The following GUCY1A2 variants were observed in gnomAD, a reference collection of about 807,000 sequenced individuals.
The protein encoded by GUCY1A2 is guanylate cyclase soluble subunit alpha-2.
A neutral mutation model predicts 63.5 loss-of-function variants in GUCY1A2; 27 were observed. The observed-to-expected ratio is 0.43, with a 90% CI of 0.31 to 0.59. The LOEUF (loss-of-function observed/expected upper bound fraction) is 0.59, where lower values mean the gene tolerates loss of function less well. Ranked by LOEUF, GUCY1A2 falls within the 20% of genes least tolerant of loss-of-function variation. The pLI, the probability that GUCY1A2 is intolerant of heterozygous loss-of-function variation, is 0.11. For missense variants in GUCY1A2, 768 were observed against 913.3 expected, an observed-to-expected ratio of 0.84 and a Z score of 2.05; for synonymous variants, 364 against 343.5, an observed-to-expected ratio of 1.06 and a Z score of -0.66.
intron 6 of GUCY1A2, among the ~76,000 whole-genome samples, chr11:106,747,622 A>T (rs551920338): frequency 5.8e-4 from 88 of 152,294 alleles, no homozygotes; most frequent in Middle Eastern, 6.8e-3. Flanking sequence ...TTTTCCCTTT[A>T]TCCACCCCTT....
intron 4 of GUCY1A2, among the ~76,000 whole-genome samples, chr11:106,831,470 A>G (rs979652449): frequency 6.6e-6 from 1 of 152,208 alleles, no homozygotes; most frequent in Non-Finnish European, 1.5e-5. Context: ...GAAAAATTGC[A>G]TACTTAGAGC....
At chr11:106,957,366 T>G (rs902394928) in intron 3 of GUCY1A2, among the ~76,000 whole-genome samples, 1 of 151,850 alleles carries the variant, frequency 6.6e-6, no homozygotes, top group Non-Finnish European at 1.5e-5. Context: ...TTAAGCAGAC[T>G]CCAGCTGAGA....
chr11:106,826,417 A>G (rs202038870), intron 4 of GUCY1A2: 4 of 1,564,724 alleles, frequency 2.6e-6, no homozygotes, highest in Non-Finnish European at 3.5e-6. Context: ...TTCTATATCA[A>G]TATTTGGATC....
intron 6 of GUCY1A2, among the ~76,000 whole-genome samples, chr11:106,760,638 A>G (rs1864050078): frequency 6.6e-6 from 1 of 152,222 alleles, no homozygotes; most frequent in Non-Finnish European, 1.5e-5. Flanking sequence ...CTGAAGATGT[A>G]CCACTATTTT....
chr11:106,858,003 T>C (rs1169165709), intron 4 of GUCY1A2, among the ~76,000 whole-genome samples: 1 of 152,148 alleles, frequency 6.6e-6, no homozygotes, highest in Non-Finnish European at 1.5e-5. Flanking sequence ...AAGATTAAAC[T>C]TCCACAAACT....
chr11:107,016,227 G>C (rs1015197314), intron 1 of GUCY1A2, among the ~76,000 whole-genome samples: 1 of 152,140 alleles, frequency 6.6e-6, no homozygotes, highest in East Asian at 1.9e-4. Context: ...GATTCATTTC[G>C]GAAACTTTAA....
intron 6 of GUCY1A2, among the ~76,000 whole-genome samples, chr11:106,713,081 C>T (rs913032403): frequency 2.0e-5 from 3 of 152,160 alleles, no homozygotes; most frequent in Non-Finnish European, 4.4e-5. Flanking sequence ...TTGGGTATCT[C>T]CTGGTTTGCC....
intron 5 of GUCY1A2, among the ~76,000 whole-genome samples, chr11:106,788,692 T>C (rs1864607422): frequency 6.6e-6 from 1 of 152,242 alleles, no homozygotes; most frequent in East Asian, 1.9e-4. Context: ...TTGGCACCTT[T>C]GTCAAAATTG....
intron 4 of GUCY1A2, among the ~76,000 whole-genome samples, chr11:106,916,872 A>G (rs979518430): frequency 2.1e-5 from 3 of 145,868 alleles, no homozygotes; most frequent in African/African-American, 7.3e-5. Context: ...ATCATGATAT[A>G]AAAAATTAGA....
chr11:106,884,038 A>G (rs1859863505), intron 4 of GUCY1A2, among the ~76,000 whole-genome samples: 1 of 152,016 alleles, frequency 6.6e-6, no homozygotes, highest in Admixed American at 6.6e-5. Flanking sequence ...AGGGCCTGTC[A>G]TGGGGAAGGG....
At chr11:106,713,089 G>T (rs372651579) in intron 6 of GUCY1A2, among the ~76,000 whole-genome samples, 2 of 152,090 alleles carry the variant, frequency 1.3e-5, no homozygotes, top group African/African-American at 4.8e-5. Context: ...CTCCTGGTTT[G>T]CCCCTCCCTG....
At position 107,018,090 on chromosome 11, in the gene GUCY1A2, C is replaced by A; in HGVS notation, c.-35G>T. The A allele has an allele frequency of 1.5e-6, 2 of 1,375,068 alleles. No homozygotes were observed. The highest frequency in any genetic ancestry group is 9.6e-7 in the Non-Finnish European group (1 of 1,043,442). The allele number at this position is 1,375,068 out of a possible 1,614,324, so 85.2% of individuals were successfully genotyped here. A position where few individuals can be genotyped will look rare whatever the true frequency, so the allele number is the denominator to read the frequency against. ...GGAGCTGCAGCGGCCGAGGCGGTGG[C>A]GGCGAGGACGCGAGCGGCGGCGGAG... On this transcript the variant is annotated 5_prime_UTR_variant, in exon 1 of 8. Coordinates refer to ENST00000526355, the MANE Select transcript of GUCY1A2 (RefSeq NM_000855.3).
Position 106,687,606 on chromosome 11 carries a change from T to A in GUCY1A2, c.2142A>T (p.Arg714Ser). 6.2e-7 allele frequency: 1 copy of A among 1,614,010 alleles called. No individual in the cohort carries two copies. The highest frequency in any genetic ancestry group is 8.5e-7 in the Non-Finnish European group (1 of 1,179,938). ...CGATGTTGTAGGAAACCTTTTTTAT[T>A]CTCGACGAAGAAAGAGAAGGCTTTG... ...KPPKPSLSSSRIKKVSYNIGT... is the reference protein window; with the variant it reads ...KPPKPSLSSSSIKKVSYNIGT... Residue 714 changes from arginine to serine, a missense_variant, in exon 8 of 8, where the codon AGA (arginine) becomes AGT (serine). Coordinates refer to ENST00000526355, the MANE Select transcript of GUCY1A2 (RefSeq NM_000855.3).
At chr11:106,808,035 A>T (rs983322044) in intron 5 of GUCY1A2, among the ~76,000 whole-genome samples, 1 of 152,172 alleles carries the variant, frequency 6.6e-6, no homozygotes, top group Non-Finnish European at 1.5e-5. Context: ...CAGATAGCCT[A>T]TGGTGGGATT....
At chr11:106,716,808 C>A (rs1863224667) in intron 6 of GUCY1A2, among the ~76,000 whole-genome samples, 3 of 144,004 alleles carry the variant, frequency 2.1e-5, no homozygotes, top group Admixed American at 6.9e-5. Context: ...AAGAGTAAAT[C>A]TCAGGAATTA....
At chr11:106,874,259 A>G (rs1859719079) in intron 4 of GUCY1A2, among the ~76,000 whole-genome samples, 1 of 152,180 alleles carries the variant, frequency 6.6e-6, no homozygotes, top group Admixed American at 6.6e-5. Context: ...GCTCTTTAAA[A>G]TCCAATAGGC....
chr11:106,896,715 T>C (rs762902736), intron 4 of GUCY1A2, among the ~76,000 whole-genome samples: 47 of 152,198 alleles, frequency 3.1e-4, no homozygotes, highest in Non-Finnish European at 6.0e-4. Context: ...AAGAGGAATA[T>C]TGGAAGCACC....
At chr11:106,922,354 C>T (rs1860456100) in intron 4 of GUCY1A2, among the ~76,000 whole-genome samples, 1 of 151,800 alleles carries the variant, frequency 6.6e-6, no homozygotes. Context: ...CTACCTTATG[C>T]CAGGCACTGT....
At chr11:106,941,053 C>CA (rs1349995333) in intron 3 of GUCY1A2, among the ~76,000 whole-genome samples, 1 of 152,100 alleles carries the variant, frequency 6.6e-6, no homozygotes, top group African/African-American at 2.4e-5. Context: ...GAAAGACATG[C>CA]AGGTCAGCTA....
Sources: gnomAD v4.1 joint callset for allele counts (sites outside exome capture counted in the v4.1 genomes callset) on GRCh38, gnomAD v4.1.1 for gene constraint, MANE v1.5 for transcripts, NCBI Gene and HGNC (gene_info 2026-07-23, HGNC 2026-07-21) for gene names.